The following UBE2L3 variants were observed in gnomAD, a reference collection of about 807,000 sequenced individuals.
UBE2L3 encodes ubiquitin-conjugating enzyme E2 L3.
Under a neutral mutation model 17.8 loss-of-function variants are expected in UBE2L3, and 1 was observed. That is an observed-to-expected ratio of 0.06 (90% CI 0.02 to 0.27). The LOEUF (loss-of-function observed/expected upper bound fraction) is 0.27, where lower values mean the gene tolerates loss of function less well. UBE2L3 is among the 10% of genes least tolerant of loss of function. The pLI, the probability that UBE2L3 is intolerant of heterozygous loss-of-function variation, is 1.00. For missense variants in UBE2L3, 40 were observed against 192.6 expected (o/e 0.21, Z 4.69); for synonymous variants, 44 against 68.5 (o/e 0.64, Z 1.76).
intron 3 of UBE2L3, among the ~76,000 whole-genome samples, chr22:21,615,796 G>A (rs925907943): frequency 2.4e-4 from 36 of 152,238 alleles, no homozygotes; most frequent in Non-Finnish European, 4.7e-4. Context: ...TGTTCCAGCT[G>A]AGGTTGTGTG....
chr22:21,560,880 C>T (rs1036016209), intron 1 of UBE2L3, among the ~76,000 whole-genome samples: 20 of 152,252 alleles, frequency 1.3e-4, no homozygotes, highest in Non-Finnish European at 2.8e-4. Context: ...GAGGACAGTC[C>T]TTCATCAAAT....
chr22:21,586,732 T>C (rs533711093), intron 1 of UBE2L3, among the ~76,000 whole-genome samples: 44 of 152,016 alleles, frequency 2.9e-4, no homozygotes, highest in Non-Finnish European at 5.7e-4. Context: ...CATGCCCGGC[T>C]AATTTTTGTA....
intron 3 of UBE2L3, among the ~76,000 whole-genome samples, chr22:21,616,088 A>G (rs1929756607): frequency 1.3e-5 from 2 of 152,188 alleles, no homozygotes; most frequent in South Asian, 4.1e-4. Flanking sequence ...ACATAAAACA[A>G]AGTTATATAT....
intron 1 of UBE2L3, among the ~76,000 whole-genome samples, chr22:21,581,618 A>G (rs996317210): frequency 1.3e-5 from 2 of 152,084 alleles, no homozygotes; most frequent in Admixed American, 6.6e-5. Context: ...CCTGACCAAC[A>G]TGAATAAACC....
intron 3 of UBE2L3, among the ~76,000 whole-genome samples, chr22:21,614,329 C>A (rs1047838692): frequency 1.3e-5 from 2 of 152,122 alleles, no homozygotes; most frequent in African/African-American, 4.8e-5. Context: ...GTGGCTCACG[C>A]CTGTAATCCC....
intron 3 of UBE2L3, chr22:21,614,518 C>A (rs756396731): frequency 2.2e-5 from 28 of 1,296,010 alleles, no homozygotes; most frequent in Non-Finnish European, 2.7e-5. Flanking sequence ...GTCTCCAGAG[C>A]ACCTGCTCAT....
chr22:21,588,725 G>A (rs1350419689), intron 1 of UBE2L3, among the ~76,000 whole-genome samples: 4 of 151,766 alleles, frequency 2.6e-5, no homozygotes, highest in East Asian at 1.9e-4. Flanking sequence ...GTGCAGTGGC[G>A]CAATCTTGGC....
intron 1 of UBE2L3, among the ~76,000 whole-genome samples, chr22:21,586,400 A>C (rs778959211): frequency 1.3e-5 from 2 of 151,442 alleles, no homozygotes; most frequent in Non-Finnish European, 2.9e-5. Flanking sequence ...CGAGTAGCTG[A>C]GACTATATAT....
chr22:21,561,898 G>A (rs1243273306), intron 1 of UBE2L3, among the ~76,000 whole-genome samples: 1 of 152,150 alleles, frequency 6.6e-6, no homozygotes, highest in Admixed American at 6.6e-5. Context: ...TTCTCCCAGG[G>A]CCACAGTTTT....
chr22:21,606,970 C>T (rs1929208429), intron 2 of UBE2L3, among the ~76,000 whole-genome samples: 1 of 152,242 alleles, frequency 6.6e-6, no homozygotes. Context: ...TTCCAAGTCC[C>T]TGCCATCTAG....
intron 2 of UBE2L3, among the ~76,000 whole-genome samples, chr22:21,600,737 A>G (rs1182740925): frequency 6.6e-6 from 1 of 152,142 alleles, no homozygotes; most frequent in Non-Finnish European, 1.5e-5. Context: ...TGTATTATGA[A>G]AAATCCCCAA....
At position 21,577,094 on chromosome 22, in the gene UBE2L3, G is replaced by A. The variant is rs190091748; in HGVS notation, c.27+9323G>A. Among the ~76,000 whole-genome samples the A allele has an allele frequency of 2.2e-4, 33 of 151,670 alleles. No homozygotes were observed. The East Asian group carries it at 5.7e-3, about 26-fold the overall frequency. ...CGCCATTCTCCTGCTTCACCCTCTCGAGTAGCTGGGACTACAGGCGCTCGC... is the reference window on the plus strand; with the variant it reads ...CGCCATTCTCCTGCTTCACCCTCTCAAGTAGCTGGGACTACAGGCGCTCGC... On this transcript the variant is annotated intron_variant, in intron 1 of 3. Coordinates refer to ENST00000342192, the MANE Select transcript of UBE2L3 (RefSeq NM_003347.4).
At chr22:21,563,607 C>T (rs184751333), upstream of UBE2L3, among the ~76,000 whole-genome samples, 780 of 145,174 alleles carry the variant, frequency 5.4e-3, 5 homozygotes, top group African/African-American at 0.018. Flanking sequence ...GACGGACTCT[C>T]ACTCTGTCAC....
intron 1 of UBE2L3, among the ~76,000 whole-genome samples, chr22:21,558,672 TAGAGAC>T (rs1926326447): frequency 2.0e-5 from 3 of 150,848 alleles, no homozygotes; most frequent in Non-Finnish European, 4.4e-5. Flanking sequence ...TTTTTTTTTG[TAGAGAC>T]AGGGTCTCCC....
At chr22:21,613,749 G>A (rs1465207316) in intron 3 of UBE2L3, among the ~76,000 whole-genome samples, 1 of 152,224 alleles carries the variant, frequency 6.6e-6, no homozygotes, top group African/African-American at 2.4e-5. Flanking sequence ...TCATGCAGCT[G>A]TATTGAGGTG....
At chr22:21,563,737 C>T (rs1926535852), upstream of UBE2L3, among the ~76,000 whole-genome samples, 1 of 150,374 alleles carries the variant, frequency 6.7e-6, no homozygotes, top group African/African-American at 2.4e-5. Flanking sequence ...CCACCACACC[C>T]AGCTAATTTT....
chr22:21,598,743 A>G (rs1454086426), intron 2 of UBE2L3, among the ~76,000 whole-genome samples: 7 of 151,894 alleles, frequency 4.6e-5, no homozygotes, highest in Non-Finnish European at 8.8e-5. Context: ...TGTGTTGCCC[A>G]GGCTGGTCTC....
chr22:21,596,564 C>G (rs1179555874), intron 2 of UBE2L3, among the ~76,000 whole-genome samples: 3 of 151,874 alleles, frequency 2.0e-5, no homozygotes, highest in Non-Finnish European at 4.4e-5. Context: ...TGAGACAGAG[C>G]CTTGCTCTGT....
At chr22:21,594,088 G>A (rs887693260) in intron 2 of UBE2L3, among the ~76,000 whole-genome samples, 1 of 152,202 alleles carries the variant, frequency 6.6e-6, no homozygotes, top group East Asian at 1.9e-4. Context: ...CTTGTCCTGC[G>A]TGAGTGCCCT....
Sources: allele counts gnomAD v4.1 joint callset (sites outside exome capture counted in the v4.1 genomes callset), GRCh38; gene constraint gnomAD v4.1.1; transcripts MANE v1.5; gene names NCBI Gene and HGNC (gene_info 2026-07-23, HGNC 2026-07-21).